The following RYR3 variants were observed in gnomAD, a reference collection of about 807,000 sequenced individuals.
RYR3 encodes brain ryanodine receptor-calcium release channel.
RYR3 carries 207 observed loss-of-function variants against 584.3 expected under a neutral mutation model. The ratio of observed to expected loss-of-function variants is 0.35; its 90% CI spans 0.32 to 0.40. RYR3 has a LOEUF of 0.40. Ranked by LOEUF, RYR3 falls within the 10% of genes least tolerant of loss-of-function variation. RYR3 has a pLI of 1.00. For missense variants in RYR3, 5,616 were observed against 6,089.2 expected, an observed-to-expected ratio of 0.92 and a Z score of 2.59; for synonymous variants, 2,416 against 2,248.5, an observed-to-expected ratio of 1.07 and a Z score of -2.11.
intron 42 of RYR3, among the ~76,000 whole-genome samples, chr15:33,703,648 A>G (rs576479861): frequency 3.7e-4 from 57 of 152,328 alleles, no homozygotes; most frequent in African/African-American, 1.3e-3. Context: ...TAGGGCTTCC[A>G]CATGAAATTT....
intron 65 of RYR3, among the ~76,000 whole-genome samples, chr15:33,784,963 A>G (rs901585345): frequency 2.6e-5 from 4 of 152,178 alleles, no homozygotes; most frequent in Non-Finnish European, 5.9e-5. Context: ...ACCCTCAATC[A>G]TTCAGGGTGA....
In RYR3 at chr15:33,827,252, A is replaced by G. The variant is rs1365584661; in HGVS notation, c.11299A>G (p.Ile3767Val). The G allele has an allele frequency of 1.3e-6, 2 of 1,553,034 alleles. No homozygotes were observed. The highest frequency in any genetic ancestry group is 2.4e-5 in the East Asian group (1 of 40,980). ...GGGCAACACCACCACCGTGAATGTCATCATCAGCACTGTGGACTACCTTCT... is the reference window on the plus strand; with the variant it reads ...GGGCAACACCACCACCGTGAATGTCGTCATCAGCACTGTGGACTACCTTCT... Reference protein sequence around the residue: ...QMGNTTTVNVIISTVDYLLRL... With the variant: ...QMGNTTTVNVVISTVDYLLRL... The change falls in exon 85 of 104, where the codon ATC becomes GTC. Residue 3767 changes from isoleucine (I) to valine (V), a missense_variant. By Grantham distance (29) the Ile-to-Val change is conservative. Transcript: ENST00000634891.
chr15:33,626,199 A>T (rs559496203), intron 20 of RYR3, among the ~76,000 whole-genome samples: 2 of 152,310 alleles, frequency 1.3e-5, no homozygotes, highest in African/African-American at 4.8e-5. Flanking sequence ...TAAAGTTTTG[A>T]TTGGGAAGAC....
chr15:33,415,082 A>T (rs1253120393), intron 1 of RYR3, among the ~76,000 whole-genome samples: 2 of 152,192 alleles, frequency 1.3e-5, no homozygotes, highest in Non-Finnish European at 2.9e-5. Flanking sequence ...CCAAACTGAG[A>T]TGTGTTAAGT....
At chr15:33,835,136 G>T (rs2077956690) in intron 87 of RYR3, 64 bp downstream of exon 87, 9 of 1,235,150 alleles carry the variant, frequency 7.3e-6, no homozygotes, top group Non-Finnish European at 1.1e-5. Context: ...CTCACTCCTT[G>T]GTGTTCCCAT....
At chr15:33,355,409 TAGC>T (rs1336394973) in intron 1 of RYR3, among the ~76,000 whole-genome samples, 1 of 152,150 alleles carries the variant, frequency 6.6e-6, no homozygotes, top group Non-Finnish European at 1.5e-5. Flanking sequence ...TAGCATCACA[TAGC>T]AGCCTTCCCA....
chr15:33,833,991 G>A (rs1407619349), intron 86 of RYR3, among the ~76,000 whole-genome samples: 2 of 152,146 alleles, frequency 1.3e-5, no homozygotes, highest in African/African-American at 2.4e-5. Flanking sequence ...TAAAAAGAGT[G>A]AGATTATTGA....
At chr15:33,318,326 T>C (rs1201169161) in intron 1 of RYR3, among the ~76,000 whole-genome samples, 1 of 152,266 alleles carries the variant, frequency 6.6e-6, no homozygotes, top group East Asian at 1.9e-4. Flanking sequence ...CTGTGACCCT[T>C]GCAGATACCC....
intron 69 of RYR3, among the ~76,000 whole-genome samples, chr15:33,806,882 T>C (rs1239027727): frequency 6.6e-6 from 1 of 151,850 alleles, no homozygotes; most frequent in Admixed American, 6.6e-5. Context: ...GCATCCCTAG[T>C]AGCTGGGACT....
Position 33,607,711 on chromosome 15 carries a change from ATT to A in RYR3, c.2164+4348_2164+4349del, listed in dbSNP as rs541480923. On this transcript the variant is annotated intron_variant, in intron 18 of 103. Coordinates refer to ENST00000634891, the MANE Select transcript of RYR3 (RefSeq NM_001036.6). ...AGCCCTCAATGCTATAATTTCCCAT[ATT>A]GTTATTTTTTTCTAATATTATAAAA... Among the ~76,000 whole-genome samples the A allele has an allele frequency of 1.4e-4, 22 of 152,226 alleles. No homozygotes were observed. In the South Asian group the frequency reaches 4.1e-3, roughly 29 times the overall value.
At chr15:33,589,045 A>G (rs954516339) in intron 16 of RYR3, among the ~76,000 whole-genome samples, 1 of 152,202 alleles carries the variant, frequency 6.6e-6, no homozygotes, top group African/African-American at 2.4e-5. Context: ...ACTGTTATCC[A>G]TAGGGGTTGT....
intron 1 of RYR3, among the ~76,000 whole-genome samples, chr15:33,379,687 C>CTCTATATATATA: frequency 4.8e-5 from 6 of 125,518 alleles, no homozygotes; most frequent in Non-Finnish European, 9.7e-5. Context: ...CTCTCTCTCT[C>CTCTATATATATA]TATATATATA....
At chr15:33,789,986 C>CTTTTTGT (rs2075051125) in intron 67 of RYR3, among the ~76,000 whole-genome samples, 1 of 53,250 alleles carries the variant, frequency 1.9e-5, no homozygotes, top group Non-Finnish European at 3.1e-5. Flanking sequence ...GCCTGGCCTT[C>CTTTTTGT]TTTTTTTTTT....
intron 74 of RYR3, among the ~76,000 whole-genome samples, chr15:33,814,139 T>A (rs959155535): frequency 6.6e-6 from 1 of 152,186 alleles, no homozygotes; most frequent in Admixed American, 6.5e-5. Context: ...TGAAGTAAAA[T>A]GTATTTGAAG....
chr15:33,515,352 G>A (rs2053417598), intron 3 of RYR3, among the ~76,000 whole-genome samples: 1 of 152,148 alleles, frequency 6.6e-6, no homozygotes. Context: ...GATGGTGCAG[G>A]GCAGGTGGAG....
At chr15:33,698,833 C>T (rs1054007089) in intron 40 of RYR3, among the ~76,000 whole-genome samples, 3 of 152,084 alleles carry the variant, frequency 2.0e-5, no homozygotes, top group African/African-American at 7.3e-5. Context: ...AACCTTATTG[C>T]TTAGAGCATC....
At chr15:33,402,071 G>C (rs1021054531) in intron 1 of RYR3, among the ~76,000 whole-genome samples, 5 of 152,156 alleles carry the variant, frequency 3.3e-5, no homozygotes, top group African/African-American at 1.2e-4. Context: ...AAAATCTTCT[G>C]CAAGAATGGT....
Position 33,393,582 on chromosome 15 carries a change from G to A in RYR3, c.52-79837G>A, listed in dbSNP as rs959734586. 3.9e-5 allele frequency among the ~76,000 whole-genome samples: 6 copies of A among 152,288 alleles called. No individual in the cohort carries two copies. In the East Asian group the frequency reaches 1.2e-3, roughly 29 times the overall value. On this transcript the variant is annotated intron_variant, in intron 1 of 103. Coordinates refer to ENST00000634891, the MANE Select transcript of RYR3 (RefSeq NM_001036.6). ...AAACTTTGAGAATGAGCCCACTTGA[G>A]CCCATTATGGTTGAGAAGGAGCAAC...
chr15:33,346,169 C>A (rs1189912597), intron 1 of RYR3, among the ~76,000 whole-genome samples: 1 of 152,096 alleles, frequency 6.6e-6, no homozygotes, highest in Non-Finnish European at 1.5e-5. Flanking sequence ...ACAGGTGATT[C>A]TTGGAAATTA....
Sources: gnomAD v4.1 joint callset for allele counts (sites outside exome capture counted in the v4.1 genomes callset) on GRCh38, gnomAD v4.1.1 for gene constraint, MANE v1.5 for transcripts, NCBI Gene and HGNC (gene_info 2026-07-23, HGNC 2026-07-21) for gene names.